PNRC1: variants seen among roughly 807,000 people sequenced by gnomAD.
The protein encoded by PNRC1 is proline-rich nuclear receptor coactivator 1.
Under a neutral mutation model 20.2 loss-of-function variants are expected in PNRC1, and 6 were observed. The ratio of observed to expected loss-of-function variants is 0.30; its 90% CI spans 0.16 to 0.59. PNRC1 has a LOEUF of 0.59. Ranked by LOEUF, PNRC1 falls within the 20% of genes least tolerant of loss-of-function variation. The probability of loss-of-function intolerance (pLI) is 0.89; values close to 1 mark genes in which losing one functional copy is unlikely to be tolerated. For synonymous variants in PNRC1, 202 were observed against 186.9 expected (o/e 1.08, Z -0.66); for missense variants, 488 against 430.2 (o/e 1.13, Z -1.19).
chr6:89,081,055 C>T lies in PNRC1; in HGVS notation c.161C>T (p.Thr54Ile). The T allele has an allele frequency of 3.1e-6, 5 of 1,610,698 alleles. No homozygotes were observed. Among genetic ancestry groups the T allele is most frequent in the Non-Finnish European group, 4.2e-6 (5 of 1,179,746 alleles). Residue 54 changes from threonine to isoleucine, a missense_variant, in exon 1 of 2, where the codon ACC (threonine) becomes ATC (isoleucine). Coordinates refer to ENST00000336032, the MANE Select transcript of PNRC1 (RefSeq NM_006813.3). ...RIPDPRALPP[T>I]LFLPHFLGGD... is the part of the protein sequence containing the mutation. Reference sequence around the variant, plus strand: ...CCGGACCCCCGGGCACTGCCCCCGACCCTCTTCCTCCCTCATTTCCTAGGG... The same window carrying T: ...CCGGACCCCCGGGCACTGCCCCCGATCCTCTTCCTCCCTCATTTCCTAGGG...
chr6:89,083,113 T>C (rs1582237403), intron 1 of PNRC1, among the ~76,000 whole-genome samples: 1 of 151,838 alleles, frequency 6.6e-6, no homozygotes, highest in Non-Finnish European at 1.5e-5. Context: ...GCTGAAGGGA[T>C]CCCGCCTCAG....
Position 89,084,073 on chromosome 6 carries a change from A to G in PNRC1, c.861A>G (p.Pro287=), listed in dbSNP as rs1297431094. 1.2e-6 allele frequency: 2 copies of G among 1,614,174 alleles called. No individual in the cohort carries two copies. Among genetic ancestry groups the G allele is most frequent in the Non-Finnish European group, 8.5e-7 (1 of 1,180,004 alleles). The change falls in exon 2 of 2, where the codon CCA becomes CCG. Residue 287 remains proline, a synonymous_variant. Transcript: ENST00000336032. ...ATGCTGGGGCAAAGTTTAGTGATCC[A>G]CCTTCTCCTAGTGTTCTTCCAAAGC... ...ENYAGAKFSD[P]PSPSVLPKPP...
intron 1 of PNRC1, 31 bp downstream of exon 1, chr6:89,081,465 G>A: frequency 1.6e-6 from 2 of 1,228,622 alleles, no homozygotes; most frequent in Non-Finnish European, 2.0e-6. Flanking sequence ...TTGGGGAGTC[G>A]GGCCCTTAGA....
At chr6:89,082,658 T>C (rs1768028067) in intron 1 of PNRC1, 1 of 152,246 alleles carries the variant, frequency 6.6e-6, no homozygotes, top group African/African-American at 2.4e-5. Context: ...GGTAGTGCAG[T>C]GATCTAGTGG....
In PNRC1 at chr6:89,084,135, C is replaced by A; in HGVS notation, c.923C>A (p.Ser308Tyr). ...SHWMGSTVEN[S>Y]NQNRELMAVH... The stretch of plus-strand genomic sequence containing the variant: ...TGGATGGGAAGCACTGTTGAAAATT[C>A]CAACCAAAACAGGGAGCTGATGGCA... Residue 308 changes from serine to tyrosine, a missense_variant, in exon 2 of 2, where the codon TCC becomes TAC. Ser to Tyr is a moderately radical substitution (Grantham distance 144). Coordinates refer to ENST00000336032, the MANE Select transcript of PNRC1 (RefSeq NM_006813.3). 6.2e-7 allele frequency: 1 copy of A among 1,610,060 alleles called. No homozygotes were observed. Among genetic ancestry groups the A allele is most frequent in the South Asian group, 1.1e-5 (1 of 89,758 alleles).
chr6:89,081,940 A>T (rs1431787607), intron 1 of PNRC1: 1 of 152,326 alleles, frequency 6.6e-6, no homozygotes, highest in Non-Finnish European at 1.5e-5. Flanking sequence ...GACGGCCTCT[A>T]ACGTCCCGCC....
intron 1 of PNRC1, 83 bp downstream of exon 1, chr6:89,081,517 GGGGTCGGGCGGGTGGGGGC>G: frequency 2.2e-6 from 1 of 444,882 alleles, no homozygotes; most frequent in Non-Finnish European, 3.7e-6. Context: ...CTGCACCCGG[GGGGTCGGGCGGGTGGGGGC>G]GGGGTGGGGG....
chr6:89,083,093 C>T (rs1768039360), intron 1 of PNRC1, among the ~76,000 whole-genome samples: 1 of 152,044 alleles, frequency 6.6e-6, no homozygotes, highest in South Asian at 2.1e-4. Flanking sequence ...CTGCATCCTC[C>T]CCTTCCCAGG....
At chr6:89,083,219 C>T (rs1447800515) in intron 1 of PNRC1, among the ~76,000 whole-genome samples, 3 of 152,212 alleles carry the variant, frequency 2.0e-5, no homozygotes, top group Non-Finnish European at 2.9e-5. Flanking sequence ...GTCTCGAACT[C>T]CTTGAGCTTG....
Position 89,081,020 on chromosome 6 carries a change from A to C in PNRC1, c.126A>C (p.Leu42Phe), listed in dbSNP as rs1582234745. ...TGGTGACCACGGCTCCGCCTCCTTTACCCCGGATCCCGGACCCCCGGGCAC... is the reference window on the plus strand; with the variant it reads ...TGGTGACCACGGCTCCGCCTCCTTTCCCCCGGATCCCGGACCCCCGGGCAC... ...LPMVTTAPPP[L>F]PRIPDPRALP... Residue 42 changes from leucine to phenylalanine, a missense_variant, in exon 1 of 2, where the codon TTA (leucine) becomes TTC (phenylalanine). By Grantham distance (22) the Leu-to-Phe change is conservative. Transcript: ENST00000336032. The C allele has an allele frequency of 6.2e-7, 1 of 1,610,842 alleles. No individual in the cohort carries two copies. The highest frequency in any genetic ancestry group is 8.5e-7 in the Non-Finnish European group (1 of 1,179,598).
intron 1 of PNRC1, chr6:89,082,042 G>A (rs1199500400): frequency 6.6e-6 from 1 of 152,378 alleles, no homozygotes; most frequent in South Asian, 2.1e-4. Context: ...GCGCAGTCCA[G>A]TTGGGGCTCT....
chr6:89,083,771 G>A lies in PNRC1; in HGVS notation c.559G>A (p.Gly187Arg). 1.3e-6 allele frequency: 2 copies of A among 1,579,522 alleles called. No individual in the cohort carries two copies. The highest frequency in any genetic ancestry group is 1.7e-6 in the Non-Finnish European group (2 of 1,167,868). The change falls in exon 2 of 2, where the codon GGA becomes AGA. Residue 187 changes from glycine to arginine, a missense_variant. Gly to Arg is a moderately radical substitution (Grantham distance 125). Transcript: ENST00000336032. ...TTTGTAGGTTTTAAAATCAAAGATG[G>A]GAAAATCGGAGAAAATTGCCCTTCC... ...LRKEVLKSKM[G>R]KSEKIALPHG...
At chr6:89,083,534 TGTAA>T (rs537634594) in intron 1 of PNRC1, among the ~76,000 whole-genome samples, 135 of 152,292 alleles carry the variant, frequency 8.9e-4, no homozygotes, top group Non-Finnish European at 1.7e-3. Flanking sequence ...CAAATTCACT[TGTAA>T]GTGAGAACTT....
At position 89,085,038 on chromosome 6, in the gene PNRC1, G is replaced by A. The variant is rs1228690790; in HGVS notation, c.*842G>A. 1 of 152,118 alleles carries A rather than the reference G, an allele frequency of 6.6e-6. No homozygotes were observed. Among genetic ancestry groups the A allele is most frequent in the Non-Finnish European group, 1.5e-5 (1 of 68,058 alleles). The allele number at this position is 152,118 out of a possible 1,614,324, so 9.4% of individuals were successfully genotyped here. On this transcript the variant is annotated 3_prime_UTR_variant, in exon 2 of 2. Coordinates refer to ENST00000336032, the MANE Select transcript of PNRC1 (RefSeq NM_006813.3). ...ACTTGACTACTCTAGAGGCTGAGAC[G>A]GGAGCATCTCTTGAGCCTGAGAAGT...
chr6:89,084,335 A>T lies in PNRC1; in HGVS notation c.*139A>T. 1 of 595,832 alleles carries T rather than the reference A, an allele frequency of 1.7e-6. No individual in the cohort carries two copies. The highest frequency in any genetic ancestry group is 3.0e-6 in the Non-Finnish European group (1 of 335,112). The allele number at this position is 595,832 out of a possible 1,614,324, so 36.9% of individuals were successfully genotyped here. A position where few individuals can be genotyped will look rare whatever the true frequency, so the allele number is the denominator to read the frequency against. On this transcript the variant is annotated 3_prime_UTR_variant, in exon 2 of 2. Coordinates refer to ENST00000336032, the MANE Select transcript of PNRC1 (RefSeq NM_006813.3). ...TGAGTTTAAAAAATTACATACAAAC[A>T]GCTTGTATTATATTTTATATTTTGT... is the stretch of plus-strand genomic sequence containing the variant.
chr6:89,081,514 CGGGGGGTCGGGCGG>C, intron 1 of PNRC1, 80 bp downstream of exon 1: 1 of 12,530 alleles, frequency 8.0e-5, no homozygotes, highest in Non-Finnish European at 1.0e-4. Flanking sequence ...ACCCTGCACC[CGGGGGGTCGGGCGG>C]GTGGGGGCGG....
At position 89,080,994 on chromosome 6, in the gene PNRC1, A is replaced by T. The variant is rs1463081522; in HGVS notation, c.100A>T (p.Met34Leu). The change falls in exon 1 of 2, where the codon ATG (methionine) becomes TTG (leucine). Residue 34 changes from methionine (M) to leucine (L), a missense_variant. By Grantham distance (15) the Met-to-Leu change is conservative. Transcript: ENST00000336032. ...CCGAGGTTACTTTGGGGCCCTCCCG[A>T]TGGTGACCACGGCTCCGCCTCCTTT... ...SSRGYFGALP[M>L]VTTAPPPLPR... 3.7e-6 allele frequency: 6 copies of T among 1,612,864 alleles called. No homozygotes were observed. The highest frequency in any genetic ancestry group is 5.1e-6 in the Non-Finnish European group (6 of 1,179,938).
chr6:89,082,844 A>G (rs2127985796), intron 1 of PNRC1: 1 of 152,318 alleles, frequency 6.6e-6, no homozygotes, highest in Non-Finnish European at 1.5e-5. Context: ...TCTTCCTTAC[A>G]GTTGTAGAAA....
Position 89,080,884 on chromosome 6 carries a change from T to C in PNRC1, c.-11T>C. ...CTCTCTTCGTTGCTGAGCGACAAGCTTCCTAGCGCTATGACTGTCGTCTCC... is the reference window on the plus strand; with the variant it reads ...CTCTCTTCGTTGCTGAGCGACAAGCCTCCTAGCGCTATGACTGTCGTCTCC... On this transcript the variant is annotated 5_prime_UTR_variant, in exon 1 of 2. Transcript: ENST00000336032. The C allele has an allele frequency of 6.2e-7, 1 of 1,608,820 alleles. No individual in the cohort carries two copies. The highest frequency in any genetic ancestry group is 8.5e-7 in the Non-Finnish European group (1 of 1,179,902).
Sources: allele counts gnomAD v4.1 joint callset (sites outside exome capture counted in the v4.1 genomes callset), GRCh38; gene constraint gnomAD v4.1.1; transcripts MANE v1.5; gene names NCBI Gene and HGNC (gene_info 2026-07-23, HGNC 2026-07-21).